Variants in SDK1 observed in about 807,000 individuals in gnomAD.
SDK1 encodes the protein protein sidekick-1.
SDK1 carries 157 observed loss-of-function variants against 245.5 expected under a neutral mutation model. The observed-to-expected ratio is 0.64, with a 90% confidence interval of 0.56 to 0.73. The LOEUF is 0.73. Among genes scored for constraint, SDK1 ranks in the 30% least tolerant of loss-of-function variants. The pLI is 0.00. For synonymous variants in SDK1, 1,647 were observed against 1,278.5 expected (o/e 1.29, Z -6.15); for missense variants, 3,583 against 3,002.3 (o/e 1.19, Z -4.52).
rs1583211078 is a variant in SDK1, at chr7:4,266,624, GAA to G, written c.*1243_*1244del. On this transcript the variant is annotated 3_prime_UTR_variant, in exon 45 of 45. Coordinates refer to ENST00000404826, the MANE Select transcript of SDK1 (RefSeq NM_152744.4). ...TTTGGTTTAAATTTTTCAGCTAGATGAAAAGAGTATGAACTACTTTGGAAAAC... is the reference window on the plus strand; with the variant it reads ...TTTGGTTTAAATTTTTCAGCTAGATGAAGAGTATGAACTACTTTGGAAAAC... The G allele has an allele frequency of 2.0e-6, 2 of 985,406 alleles. No individual in the cohort carries two copies. Among genetic ancestry groups the G allele is most frequent in the East Asian group, 2.3e-4 (2 of 8,818 alleles). The allele number at this position is 985,406 out of a possible 1,614,324, so 61.0% of individuals were successfully genotyped here. A position where few individuals can be genotyped will look rare whatever the true frequency, so the allele number is the denominator to read the frequency against.
intron 1 of SDK1, among the ~76,000 whole-genome samples, chr7:3,413,556 C>T (rs1032447920): frequency 6.6e-6 from 1 of 151,912 alleles, no homozygotes; most frequent in African/African-American, 2.4e-5. Flanking sequence ...TTAGGCATGG[C>T]GGTGGGCACC....
intron 4 of SDK1, among the ~76,000 whole-genome samples, chr7:3,815,961 A>G (rs991503138): frequency 1.4e-5 from 2 of 143,728 alleles, no homozygotes; most frequent in Admixed American, 1.4e-4. Context: ...CCGCTCAACT[A>G]CATGGAAACT....
chr7:3,692,326 T>C (rs560257319), intron 4 of SDK1, among the ~76,000 whole-genome samples: 1 of 152,288 alleles, frequency 6.6e-6, no homozygotes, highest in East Asian at 1.9e-4. Context: ...AAATGCTTTT[T>C]CTTGCACTTT....
At chr7:3,909,241 C>G (rs998487138) in intron 5 of SDK1, among the ~76,000 whole-genome samples, 4 of 152,176 alleles carry the variant, frequency 2.6e-5, no homozygotes, top group Non-Finnish European at 4.4e-5. Flanking sequence ...GTTCTGCTGT[C>G]CTCTAGTTCA....
intron 4 of SDK1, among the ~76,000 whole-genome samples, chr7:3,812,578 G>A (rs963450209): frequency 6.6e-6 from 1 of 152,166 alleles, no homozygotes; most frequent in African/African-American, 2.4e-5. Flanking sequence ...TCCTAGAAAA[G>A]GATGCCCGCG....
At chr7:3,900,965 A>G (rs930132892) in intron 5 of SDK1, among the ~76,000 whole-genome samples, 1 of 152,064 alleles carries the variant, frequency 6.6e-6, no homozygotes, top group African/African-American at 2.4e-5. Flanking sequence ...AAAGACCTTT[A>G]TGGCTTTTCT....
intron 9 of SDK1, 26 bp downstream of exon 9, chr7:3,962,877 C>G (rs765885942): frequency 1.1e-5 from 18 of 1,583,874 alleles, no homozygotes; most frequent in Middle Eastern, 1.7e-4. Flanking sequence ...CCCACAGCTA[C>G]CTGACCTGGA....
chr7:3,515,830 C>G (rs2686851), intron 1 of SDK1, among the ~76,000 whole-genome samples: 36,342 of 152,070 alleles, frequency 0.24, 4,704 homozygotes, highest in South Asian at 0.38. Context: ...TTATTTTGAT[C>G]AGTTTTTGAA....
intron 44 of SDK1, among the ~76,000 whole-genome samples, chr7:4,250,202 GA>G (rs1391453558): frequency 1.3e-5 from 2 of 152,294 alleles, no homozygotes; most frequent in East Asian, 1.9e-4. Flanking sequence ...CAACGCATTT[GA>G]ACCACTTTTA....
rs183448160 is a variant in SDK1 at position 3,823,324 on chromosome 7, T to C, written c.847+1741T>C. On this transcript the variant is annotated intron_variant, in intron 5 of 44. Coordinates refer to ENST00000404826, the MANE Select transcript of SDK1 (RefSeq NM_152744.4). The stretch of plus-strand genomic sequence containing the variant: ...GCAAATATGAATCTGTACTCAATTG[T>C]AATATAACTACCAGGATAATAATGA... Among the ~76,000 whole-genome samples, 615 of 152,338 alleles carry C rather than the reference T, an allele frequency of 4.0e-3. 6 individuals carry two copies. Among genetic ancestry groups the C allele is most frequent in the African/African-American group, 0.014 (574 of 41,558 alleles).
chr7:3,956,297 T>C (rs1326192783), intron 7 of SDK1, among the ~76,000 whole-genome samples: 1 of 152,222 alleles, frequency 6.6e-6, no homozygotes, highest in African/African-American at 2.4e-5. Flanking sequence ...TCACGGGCTT[T>C]TCACGGTCCA....
chr7:3,912,742 G>T (rs953891505), intron 5 of SDK1, among the ~76,000 whole-genome samples: 1 of 152,220 alleles, frequency 6.6e-6, no homozygotes, highest in Non-Finnish European at 1.5e-5. Flanking sequence ...TGGCCCGTGG[G>T]GGCTCAAGAC....
At chr7:4,147,116 C>T (rs550298446) in intron 29 of SDK1, among the ~76,000 whole-genome samples, 29 of 152,232 alleles carry the variant, frequency 1.9e-4, no homozygotes, top group African/African-American at 6.3e-4. Flanking sequence ...GGAATGAGGA[C>T]GGGAGGGAGC....
intron 1 of SDK1, among the ~76,000 whole-genome samples, chr7:3,456,744 C>T (rs1780681271): frequency 6.6e-6 from 1 of 152,012 alleles, no homozygotes; most frequent in East Asian, 1.9e-4. Context: ...GTTGTGATTC[C>T]CCTAGGTTTG....
chr7:3,927,434 G>A (rs1779810810), intron 5 of SDK1, among the ~76,000 whole-genome samples: 1 of 152,120 alleles, frequency 6.6e-6, no homozygotes, highest in African/African-American at 2.4e-5. Flanking sequence ...CAACAACTCT[G>A]GAAAATAAGC....
chr7:3,693,802 T>C (rs1490007619), intron 4 of SDK1, among the ~76,000 whole-genome samples: 3 of 152,150 alleles, frequency 2.0e-5, no homozygotes, highest in African/African-American at 7.2e-5. Context: ...ACCAGCCTAA[T>C]CTCTGCTATC....
intron 1 of SDK1, among the ~76,000 whole-genome samples, chr7:3,451,117 G>C (rs1365738320): frequency 6.6e-6 from 1 of 152,092 alleles, no homozygotes; most frequent in Non-Finnish European, 1.5e-5. Flanking sequence ...GGATGATACA[G>C]TAGCTGGGAG....
chr7:3,343,650 G>A (rs1300239916), intron 1 of SDK1, among the ~76,000 whole-genome samples: 1 of 152,160 alleles, frequency 6.6e-6, no homozygotes. Context: ...GGGAAACTTG[G>A]TCAAGGGTGA....
chr7:3,375,745 C>T lies in SDK1; in HGVS notation c.298+73861C>T, dbSNP rs999364311. ...TGGGTGAGCCATCTGGGAAGTGGAT[C>T]CTCCAGCCCCAGGGAAGCCTTCAGA... On this transcript the variant is annotated intron_variant, in intron 1 of 44. Coordinates refer to ENST00000404826, the MANE Select transcript of SDK1 (RefSeq NM_152744.4). 3.9e-4 allele frequency among the ~76,000 whole-genome samples: 60 copies of T among 152,160 alleles called. 1 individual carries two copies. Among genetic ancestry groups the T allele is most frequent in the Non-Finnish European group, 8.4e-4 (57 of 68,026 alleles).
Sources: gnomAD v4.1 joint callset for allele counts (sites outside exome capture counted in the v4.1 genomes callset) on GRCh38, gnomAD v4.1.1 for gene constraint, MANE v1.5 for transcripts, NCBI Gene and HGNC (gene_info 2026-07-23, HGNC 2026-07-21) for gene names.